The following TBC1D5 variants were observed in gnomAD, a reference collection of about 807,000 sequenced individuals.
TBC1D5 encodes the protein TBC1 domain family, member 5.
A neutral mutation model predicts 100.3 loss-of-function variants in TBC1D5; 75 were observed. The ratio of observed to expected loss-of-function variants is 0.75; its 90% CI spans 0.62 to 0.91. TBC1D5 has a LOEUF of 0.91. TBC1D5 is among the 40% of genes least tolerant of loss of function. The pLI is 0.00. For missense variants in TBC1D5, 910 were observed against 942.4 expected, an observed-to-expected ratio of 0.97 and a Z score of 0.45; for synonymous variants, 323 against 325.6, an observed-to-expected ratio of 0.99 and a Z score of 0.09.
At chr3:17,384,927 T>C (rs2093091121) in intron 8 of TBC1D5, among the ~76,000 whole-genome samples, 1 of 151,992 alleles carries the variant, frequency 6.6e-6, no homozygotes, top group South Asian at 2.1e-4. Context: ...AAGGAAGTGA[T>C]AAAGAAAACA....
At chr3:17,351,693 G>A (rs1156875478) in intron 13 of TBC1D5, among the ~76,000 whole-genome samples, 6 of 151,402 alleles carry the variant, frequency 4.0e-5, no homozygotes, top group Admixed American at 6.6e-5. Context: ...AAACCTGCAC[G>A]TTCTGCACAT....
intron 9 of TBC1D5, among the ~76,000 whole-genome samples, chr3:17,377,569 C>T (rs2092759190): frequency 6.6e-6 from 1 of 151,898 alleles, no homozygotes; most frequent in Non-Finnish European, 1.5e-5. Context: ...CAAGACAAAA[C>T]ACCACTTTTA....
chr3:17,591,141 C>G (rs1398193482), intron 2 of TBC1D5, among the ~76,000 whole-genome samples: 3 of 141,854 alleles, frequency 2.1e-5, no homozygotes, highest in Admixed American at 1.5e-4. Context: ...GAGGCTGAGG[C>G]AGGAGAATGG....
chr3:17,229,212 G>C (rs1209587180), intron 17 of TBC1D5, among the ~76,000 whole-genome samples: 1 of 151,996 alleles, frequency 6.6e-6, no homozygotes, highest in Non-Finnish European at 1.5e-5. Context: ...CACAGAAAGG[G>C]GATAACCTTG....
chr3:17,329,454 C>A (rs1174600428), intron 13 of TBC1D5, among the ~76,000 whole-genome samples: 2 of 152,068 alleles, frequency 1.3e-5, no homozygotes, highest in Non-Finnish European at 2.9e-5. Context: ...TTTATGGGAA[C>A]TTGGTGGTTT....
chr3:17,341,484 C>T (rs2088920178), intron 13 of TBC1D5, among the ~76,000 whole-genome samples: 1 of 152,178 alleles, frequency 6.6e-6, no homozygotes, highest in South Asian at 2.1e-4. Context: ...GCGTGAGGTA[C>T]CGCGCCTGGC....
At chr3:17,592,420 T>C (rs1436916669) in intron 2 of TBC1D5, among the ~76,000 whole-genome samples, 2 of 152,222 alleles carry the variant, frequency 1.3e-5, no homozygotes, top group East Asian at 1.9e-4. Context: ...GTAAAATTTC[T>C]AGGGGTCCAA....
At chr3:17,518,232 G>A (rs765174844) in intron 2 of TBC1D5, among the ~76,000 whole-genome samples, 1 of 152,122 alleles carries the variant, frequency 6.6e-6, no homozygotes, top group Non-Finnish European at 1.5e-5. Flanking sequence ...ACAGCCCAAA[G>A]TTAGAACTTC....
At chr3:17,363,452 C>CT (rs550697687) in intron 13 of TBC1D5, among the ~76,000 whole-genome samples, 53 of 150,982 alleles carry the variant, frequency 3.5e-4, no homozygotes, top group East Asian at 1.2e-3. Context: ...TATTTCTTTC[C>CT]TTTTTTTTTA....
intron 2 of TBC1D5, among the ~76,000 whole-genome samples, chr3:17,520,722 T>A (rs2096055511): frequency 6.6e-6 from 1 of 152,100 alleles, no homozygotes; most frequent in Non-Finnish European, 1.5e-5. Context: ...AGATGCCCAA[T>A]TAAATTTAAA....
intron 17 of TBC1D5, among the ~76,000 whole-genome samples, chr3:17,215,606 T>A (rs2073538981): frequency 6.6e-6 from 1 of 152,042 alleles, no homozygotes; most frequent in Non-Finnish European, 1.5e-5. Context: ...GCTAGAGATA[T>A]ACATTTGGAA....
intron 2 of TBC1D5, among the ~76,000 whole-genome samples, chr3:17,596,315 CT>C (rs397874911): frequency 0.095 from 12,019 of 125,964 alleles, 594 homozygotes; most frequent in Middle Eastern, 0.15. Context: ...TCCAGCTTTC[CT>C]TTTTTTTTTT....
chr3:17,192,072 TC>T (rs2069988959), intron 18 of TBC1D5, among the ~76,000 whole-genome samples: 1 of 152,128 alleles, frequency 6.6e-6, no homozygotes, highest in Non-Finnish European at 1.5e-5. Flanking sequence ...TAATGGATAG[TC>T]CCCAAATAGT....
intron 16 of TBC1D5, among the ~76,000 whole-genome samples, chr3:17,255,983 C>T (rs1315517831): frequency 1.1e-4 from 17 of 152,144 alleles, no homozygotes; most frequent in African/African-American, 3.1e-4. Context: ...TTGCAGTAAG[C>T]CGAGATTGCG....
intron 3 of TBC1D5, among the ~76,000 whole-genome samples, chr3:17,500,086 A>G (rs568292503): frequency 6.7e-6 from 1 of 149,728 alleles, no homozygotes; most frequent in Non-Finnish European, 1.5e-5. Flanking sequence ...GACACTGGTA[A>G]ATGAATAATA....
intron 2 of TBC1D5, among the ~76,000 whole-genome samples, chr3:17,574,950 A>G (rs2096648670): frequency 6.6e-6 from 1 of 152,104 alleles, no homozygotes. Flanking sequence ...AGCCTTAAAC[A>G]TTACCATAAA....
chr3:17,378,427 A>G (rs2092796996), intron 9 of TBC1D5, among the ~76,000 whole-genome samples: 1 of 151,906 alleles, frequency 6.6e-6, no homozygotes, highest in Non-Finnish European at 1.5e-5. Context: ...CAAGTTTCAC[A>G]GTTAAATTGT....
chr3:17,598,471 T>A (rs1389864974), intron 2 of TBC1D5, among the ~76,000 whole-genome samples: 3 of 152,236 alleles, frequency 2.0e-5, no homozygotes, highest in Non-Finnish European at 4.4e-5. Context: ...TTATTCTGCA[T>A]CTCATTAACT....
chr3:17,281,582 T>TA (rs1434538791), intron 15 of TBC1D5, among the ~76,000 whole-genome samples: 1 of 152,206 alleles, frequency 6.6e-6, no homozygotes, highest in Non-Finnish European at 1.5e-5. Context: ...TAAACTAACT[T>TA]ACATTTCCCA....
Sources: gnomAD v4.1 joint callset for allele counts (sites outside exome capture counted in the v4.1 genomes callset) on GRCh38, gnomAD v4.1.1 for gene constraint, MANE v1.5 for transcripts, NCBI Gene and HGNC (gene_info 2026-07-23, HGNC 2026-07-21) for gene names.